The following XKR4 variants were observed in gnomAD, a reference collection of about 807,000 sequenced individuals.
XKR4 encodes XK-related protein 4.
In XKR4, 12 loss-of-function variants were observed where a neutral mutation model predicts 53.9. That is an observed-to-expected ratio of 0.22 (90% confidence interval 0.14 to 0.36). The LOEUF (loss-of-function observed/expected upper bound fraction) is 0.36, where lower values mean the gene tolerates loss of function less well. Among genes scored for constraint, XKR4 ranks in the 10% least tolerant of loss-of-function variants. The pLI is 1.00. For missense variants in XKR4, 799 were observed against 859.5 expected (o/e 0.93, Z 0.88); for synonymous variants, 354 against 362.4 (o/e 0.98, Z 0.26).
chr8:55,328,704 T>G (rs1803332338), intron 1 of XKR4, among the ~76,000 whole-genome samples: 2 of 152,148 alleles, frequency 1.3e-5, no homozygotes, highest in South Asian at 4.1e-4. Context: ...CGCATGACCT[T>G]TTTTCTAGTC....
intron 2 of XKR4, chr8:55,450,520 G>A: frequency 3.1e-6 from 2 of 654,512 alleles, no homozygotes; most frequent in South Asian, 1.5e-5. Flanking sequence ...CATAGTCAGA[G>A]TCCAGTAGGA....
At chr8:55,478,702 A>G (rs1403566023) in intron 2 of XKR4, among the ~76,000 whole-genome samples, 5 of 152,186 alleles carry the variant, frequency 3.3e-5, no homozygotes, top group Non-Finnish European at 5.9e-5. Flanking sequence ...AGGATGGAGG[A>G]AGATCTACCA....
At chr8:55,404,223 G>T (rs1804653538) in intron 2 of XKR4, among the ~76,000 whole-genome samples, 1 of 152,100 alleles carries the variant, frequency 6.6e-6, no homozygotes, top group Non-Finnish European at 1.5e-5. Context: ...TAGATAGATG[G>T]GTGGATAGAT....
intron 2 of XKR4, among the ~76,000 whole-genome samples, chr8:55,501,144 A>T (rs55930253): frequency 6.6e-6 from 1 of 152,248 alleles, no homozygotes; most frequent in Non-Finnish European, 1.5e-5. Context: ...TCAATTTTTT[A>T]AAAAACTTTA....
Position 55,181,766 on chromosome 8 carries a change from A to G in XKR4, c.806+78472A>G, listed in dbSNP as rs1424356763. On this transcript the variant is annotated intron_variant, in intron 1 of 2. Transcript: ENST00000327381. ...CTTCGAGGTTGACTTCATGAAGGTC[A>G]GCTGTAAAATACAGCTATGGAGCAC... 2.0e-5 allele frequency among the ~76,000 whole-genome samples: 3 copies of G among 152,298 alleles called. No individual in the cohort carries two copies. The South Asian group carries it at 6.2e-4, about 32-fold the overall frequency.
At chr8:55,241,676 G>T (rs1398262554) in intron 1 of XKR4, among the ~76,000 whole-genome samples, 3 of 151,992 alleles carry the variant, frequency 2.0e-5, no homozygotes, top group Non-Finnish European at 1.5e-5. Flanking sequence ...ATTCCCCTAG[G>T]TCTCCTTCAT....
chr8:55,293,106 A>C (rs939239084), intron 1 of XKR4, among the ~76,000 whole-genome samples: 1 of 152,190 alleles, frequency 6.6e-6, no homozygotes, highest in South Asian at 2.1e-4. Flanking sequence ...AAGCCGAGGC[A>C]GGCAGATCAC....
chr8:55,364,817 A>G (rs1803952542), intron 2 of XKR4, among the ~76,000 whole-genome samples: 1 of 152,092 alleles, frequency 6.6e-6, no homozygotes, highest in African/African-American at 2.4e-5. Context: ...TTTTTAGTAG[A>G]GATGGGATTT....
intron 2 of XKR4, chr8:55,451,693 C>A: frequency 7.0e-7 from 1 of 1,431,526 alleles, no homozygotes. Context: ...CGGGTACCTG[C>A]GGTAGATGGC....
At chr8:55,398,754 G>A (rs1225570420) in intron 2 of XKR4, among the ~76,000 whole-genome samples, 3 of 152,186 alleles carry the variant, frequency 2.0e-5, no homozygotes, top group African/African-American at 7.2e-5. Flanking sequence ...GGACTTGATA[G>A]CAAAACTGAA....
rs556631116 is a variant in XKR4, at chr8:55,449,456, C to T, written c.1007-73825C>T. On this transcript the variant is annotated intron_variant, in intron 2 of 2. Coordinates refer to ENST00000327381, the MANE Select transcript of XKR4 (RefSeq NM_052898.2). ...ACATGGCCAGGGCTGCCCTGCCCACCCCTAGTGGTCGGTAACGACTGGAAG... is the reference window on the plus strand; with the variant it reads ...ACATGGCCAGGGCTGCCCTGCCCACTCCTAGTGGTCGGTAACGACTGGAAG... 823 of 865,294 alleles carry T rather than the reference C, an allele frequency of 9.5e-4. 4 individuals carry two copies. In the African/African-American group the frequency reaches 0.012, roughly 12 times the overall value. 53.6% of individuals were successfully genotyped at this position (865,294 alleles called of 1,614,324 possible). A position where few individuals can be genotyped will look rare whatever the true frequency, so the allele number is the denominator to read the frequency against.
At chr8:55,254,207 T>G (rs969539826) in intron 1 of XKR4, among the ~76,000 whole-genome samples, 1 of 152,022 alleles carries the variant, frequency 6.6e-6, no homozygotes, top group African/African-American at 2.4e-5. Context: ...GAGAGAGAGA[T>G]AAGGTATGCT....
At chr8:55,333,531 C>A (rs1334555345) in intron 1 of XKR4, among the ~76,000 whole-genome samples, 1 of 152,098 alleles carries the variant, frequency 6.6e-6, no homozygotes, top group South Asian at 2.1e-4. Context: ...AGTTTCACCC[C>A]TTTTCTTTCT....
At chr8:55,273,006 G>C (rs752682830) in intron 1 of XKR4, 11 of 405,926 alleles carry the variant, frequency 2.7e-5, no homozygotes, top group Non-Finnish European at 3.9e-5. Flanking sequence ...GCCTCAGCCT[G>C]TCTCTAAGGG....
rs1816080851 is a variant in XKR4 at position 55,103,157 on chromosome 8, C to T, written c.669C>T (p.Asn223=). The T allele has an allele frequency of 3.1e-6, 5 of 1,614,052 alleles. No homozygotes were observed. The East Asian group carries it at 6.7e-5, about 22-fold the overall frequency. ...QRQASNASKS[N]IAAANSGSNS... is the part of the protein sequence containing the mutation. ...AAGCATCTAACGCCAGCAAGAGCAACATCGCCGCGGCCAACAGCGGCAGCA... is the reference window on the plus strand; with the variant it reads ...AAGCATCTAACGCCAGCAAGAGCAATATCGCCGCGGCCAACAGCGGCAGCA... Residue 223 remains asparagine (N), a synonymous_variant, in exon 1 of 3, where the codon AAC becomes AAT. Coordinates refer to ENST00000327381, the MANE Select transcript of XKR4 (RefSeq NM_052898.2).
chr8:55,260,370 C>T (rs1365189377), intron 1 of XKR4, among the ~76,000 whole-genome samples: 1 of 152,020 alleles, frequency 6.6e-6, no homozygotes, highest in Non-Finnish European at 1.5e-5. Flanking sequence ...ATCTGTTTGC[C>T]CTAGAGGTAT....
chr8:55,133,738 A>G (rs750918880), intron 1 of XKR4, among the ~76,000 whole-genome samples: 46 of 152,226 alleles, frequency 3.0e-4, no homozygotes, highest in African/African-American at 8.2e-4. Context: ...TTTGATACAT[A>G]ATGAAGGATA....
intron 1 of XKR4, among the ~76,000 whole-genome samples, chr8:55,357,338 C>T (rs1454268251): frequency 6.6e-6 from 1 of 152,166 alleles, no homozygotes. Context: ...CACCGTTAAG[C>T]ACATAAAGAA....
At position 55,357,615 on chromosome 8, in the gene XKR4, T is replaced by C; in HGVS notation, c.807-63T>C. On this transcript the variant is annotated intron_variant, in intron 1 of 2. Coordinates refer to ENST00000327381, the MANE Select transcript of XKR4 (RefSeq NM_052898.2). ...GGTGGCTTGCAGAAAAGAACAACCC[T>C]GGAGTTTGAATTATAAACTATCATC... The C allele has an allele frequency of 6.4e-6, 10 of 1,573,490 alleles. 1 individual carries two copies. In the Admixed American group the frequency reaches 8.4e-5, roughly 13 times the overall value.
Sources: gnomAD v4.1 joint callset for allele counts (sites outside exome capture counted in the v4.1 genomes callset) on GRCh38, gnomAD v4.1.1 for gene constraint, MANE v1.5 for transcripts, NCBI Gene and HGNC (gene_info 2026-07-23, HGNC 2026-07-21) for gene names.